HMG20A: variants seen among roughly 807,000 people sequenced by gnomAD.
HMG20A encodes high mobility group 20A.
In HMG20A, 17 loss-of-function variants were observed where a neutral mutation model predicts 43.9. That is an observed-to-expected ratio of 0.39 (90% CI 0.27 to 0.58). The LOEUF is 0.58. HMG20A is among the 20% of genes least tolerant of loss of function. The pLI is 0.59. For missense variants in HMG20A, 341 were observed against 438.2 expected (o/e 0.78, Z 1.98); for synonymous variants, 132 against 147.5 (o/e 0.89, Z 0.76).
chr15:77,470,509 G>C (rs74026918), intron 4 of HMG20A, among the ~76,000 whole-genome samples: 33,297 of 152,030 alleles, frequency 0.22, 4,122 homozygotes, highest in Middle Eastern at 0.3. Context: ...GTAATATTCT[G>C]TTCCTTCCCT....
chr15:77,506,356 C>CCT, the HMG20A span, among the ~76,000 whole-genome samples: 1 of 152,128 alleles, frequency 6.6e-6, no homozygotes, highest in African/African-American at 2.4e-5. Flanking sequence ...TGTGCACTCC[C>CCT]CTCCCTCTCC....
chr15:77,512,220 G>C, the HMG20A span, among the ~76,000 whole-genome samples: 1 of 152,110 alleles, frequency 6.6e-6, no homozygotes, highest in Admixed American at 6.5e-5. Context: ...CAAATTCACG[G>C]GCACAGAAAG....
At chr15:77,450,239 C>T (rs1318612164) in intron 1 of HMG20A, among the ~76,000 whole-genome samples, 2 of 152,086 alleles carry the variant, frequency 1.3e-5, no homozygotes, top group African/African-American at 2.4e-5. Context: ...GCGCCATTCT[C>T]CTGCCTCAGC....
chr15:77,517,830 C>T, the HMG20A span, among the ~76,000 whole-genome samples: 97 of 152,060 alleles, frequency 6.4e-4, 1 homozygote, highest in African/African-American at 2.2e-3. Flanking sequence ...CCTGGGGCAG[C>T]AGAAAACGCT....
intron 9 of HMG20A, chr15:77,482,449 G>A (rs1447105389): frequency 6.6e-6 from 1 of 152,038 alleles, no homozygotes; most frequent in African/African-American, 2.4e-5. Context: ...AAATGCATAT[G>A]TTGCCTGATT....
chr15:77,440,652 A>G (rs2073601741), intron 1 of HMG20A, among the ~76,000 whole-genome samples: 2 of 152,164 alleles, frequency 1.3e-5, no homozygotes, highest in African/African-American at 4.8e-5. Flanking sequence ...ATATACTTCC[A>G]CAGTCACTGT....
At chr15:77,490,095 G>A (rs1014033914), downstream of HMG20A, among the ~76,000 whole-genome samples, 4 of 152,088 alleles carry the variant, frequency 2.6e-5, no homozygotes, top group Non-Finnish European at 5.9e-5. Flanking sequence ...GGCCAACATG[G>A]TGAAACCATG....
chr15:77,499,235 G>A, the HMG20A span, among the ~76,000 whole-genome samples: 1 of 152,314 alleles, frequency 6.6e-6, no homozygotes. Flanking sequence ...CTCCTCCAGT[G>A]CCAGGCCTTC....
the HMG20A span, among the ~76,000 whole-genome samples, chr15:77,494,169 G>A: frequency 6.6e-6 from 1 of 151,784 alleles, no homozygotes; most frequent in Non-Finnish European, 1.5e-5. Flanking sequence ...TTCTTTTGTT[G>A]CCCAGGCTGG....
intron 1 of HMG20A, among the ~76,000 whole-genome samples, chr15:77,457,314 C>T (rs1464027779): frequency 1.3e-5 from 2 of 152,188 alleles, no homozygotes; most frequent in African/African-American, 2.4e-5. Context: ...GTCTCCTTAG[C>T]AGCAGCAGCG....
At chr15:77,493,023 A>G in the HMG20A span, among the ~76,000 whole-genome samples, 1 of 152,182 alleles carries the variant, frequency 6.6e-6, no homozygotes, top group East Asian at 1.9e-4. Flanking sequence ...GCAGCTCTCC[A>G]TATGCAGTCT....
chr15:77,478,197 TTAGAGGCAGC>T (rs2072873519), intron 7 of HMG20A, 88 bp from the exon 8 acceptor site: 2 of 1,184,630 alleles, frequency 1.7e-6, no homozygotes, highest in African/African-American at 3.0e-5. Context: ...GGTAGCTAAA[TTAGAGGCAGC>T]TAAGCAGAAC....
At chr15:77,491,056 T>C in the HMG20A span, among the ~76,000 whole-genome samples, 1 of 152,258 alleles carries the variant, frequency 6.6e-6, no homozygotes, top group Admixed American at 6.5e-5. Context: ...TTTTAAAACT[T>C]GCATCTGCAT....
At chr15:77,448,129 T>C (rs1485049717) in intron 1 of HMG20A, among the ~76,000 whole-genome samples, 55 of 152,236 alleles carry the variant, frequency 3.6e-4, no homozygotes, top group Admixed American at 3.6e-3. Context: ...TATTCTGATC[T>C]AATTCTTCCA....
intron 2 of HMG20A, among the ~76,000 whole-genome samples, chr15:77,461,922 C>T (rs2072708701): frequency 6.6e-6 from 1 of 152,032 alleles, no homozygotes; most frequent in Non-Finnish European, 1.5e-5. Flanking sequence ...AACTGGATCT[C>T]GATGGTACCT....
chr15:77,500,534 C>T, the HMG20A span, among the ~76,000 whole-genome samples: 2 of 151,566 alleles, frequency 1.3e-5, no homozygotes, highest in African/African-American at 4.8e-5. Context: ...AACATCAGAC[C>T]ACTCGCTGTT....
chr15:77,468,863 T>A lies in HMG20A; in HGVS notation c.450+1556T>A, dbSNP rs141801711. On this transcript the variant is annotated intron_variant, in intron 4 of 9. Coordinates refer to ENST00000336216, the MANE Select transcript of HMG20A (RefSeq NM_001304504.2). ...TAACATTTTTCCCTTCCAAAACAGG[T>A]TCCAGTCTAGGGTCAGGTTTTGTGT... Among the ~76,000 whole-genome samples, 25 of 152,354 alleles carry A rather than the reference T, an allele frequency of 1.6e-4. No homozygotes were observed. In the East Asian group the frequency reaches 4.8e-3, roughly 29 times the overall value.
intron 6 of HMG20A, among the ~76,000 whole-genome samples, chr15:77,472,493 C>G (rs1381438500): frequency 6.6e-6 from 1 of 152,198 alleles, no homozygotes; most frequent in Non-Finnish European, 1.5e-5. Flanking sequence ...CCAGGATGGT[C>G]TCGATCTCCT....
chr15:77,455,870 C>T (rs2072649565), intron 1 of HMG20A, among the ~76,000 whole-genome samples: 1 of 152,128 alleles, frequency 6.6e-6, no homozygotes, highest in Non-Finnish European at 1.5e-5. Context: ...CTCCCAGGAT[C>T]CCAGACATAT....
Sources: gnomAD v4.1 joint callset for allele counts (sites outside exome capture counted in the v4.1 genomes callset) on GRCh38, gnomAD v4.1.1 for gene constraint, MANE v1.5 for transcripts, NCBI Gene and HGNC (gene_info 2026-07-23, HGNC 2026-07-21) for gene names.